The following CABCOCO1 variants were observed in gnomAD, a reference collection of about 807,000 sequenced individuals.
CABCOCO1 encodes the protein ciliary-associated calcium-binding coiled-coil protein 1.
CABCOCO1 carries 28 observed loss-of-function variants against 35.7 expected under a neutral mutation model. The observed-to-expected ratio is 0.78, with a 90% CI of 0.58 to 1.07. The LOEUF (loss-of-function observed/expected upper bound fraction) is 1.07, where lower values mean the gene tolerates loss of function less well. Among genes scored for constraint, CABCOCO1 ranks in the 50% least tolerant of loss-of-function variants. The probability of loss-of-function intolerance (pLI) is 0.00; values close to 1 mark genes in which losing one functional copy is unlikely to be tolerated. For missense variants in CABCOCO1, 326 were observed against 309.2 expected, an observed-to-expected ratio of 1.05 and a Z score of -0.41; for synonymous variants, 95 against 100.1, an observed-to-expected ratio of 0.95 and a Z score of 0.30.
chr10:61,675,067 G>C (rs1472552363), intron 2 of CABCOCO1, among the ~76,000 whole-genome samples: 2 of 152,112 alleles, frequency 1.3e-5, no homozygotes, highest in African/African-American at 4.8e-5. Context: ...GAACATGCAA[G>C]AGTAATGTAA....
chr10:61,729,351 GTA>G (rs764551905), intron 5 of CABCOCO1, among the ~76,000 whole-genome samples: 4 of 151,992 alleles, frequency 2.6e-5, no homozygotes, highest in Non-Finnish European at 5.9e-5. Flanking sequence ...TAGCCAACAG[GTA>G]TATGGGAAAA....
chr10:61,715,450 T>A (rs1446971342), intron 5 of CABCOCO1, among the ~76,000 whole-genome samples: 1 of 152,130 alleles, frequency 6.6e-6, no homozygotes, highest in Non-Finnish European at 1.5e-5. Context: ...CACTGATGGG[T>A]CTTGACTCTT....
intron 2 of CABCOCO1, among the ~76,000 whole-genome samples, chr10:61,678,276 C>T (rs1027965972): frequency 1.3e-5 from 2 of 152,116 alleles, no homozygotes; most frequent in African/African-American, 4.8e-5. Context: ...CACAAGTTTT[C>T]ATTATTGTGG....
intron 5 of CABCOCO1, among the ~76,000 whole-genome samples, chr10:61,733,635 A>G (rs1841352732): frequency 1.3e-5 from 2 of 152,118 alleles, no homozygotes; most frequent in Non-Finnish European, 2.9e-5. Context: ...CCAAAGTTCA[A>G]TATAGTTTTG....
At chr10:61,669,316 T>C (rs1453956229) in intron 1 of CABCOCO1, among the ~76,000 whole-genome samples, 5 of 152,046 alleles carry the variant, frequency 3.3e-5, no homozygotes, top group African/African-American at 7.2e-5. Flanking sequence ...CTTACAGTTT[T>C]ATTGCTCTTG....
At chr10:61,751,589 A>G (rs935303335) in intron 5 of CABCOCO1, among the ~76,000 whole-genome samples, 2 of 152,202 alleles carry the variant, frequency 1.3e-5, no homozygotes, top group African/African-American at 2.4e-5. Context: ...CAGCCTGTCA[A>G]TGATTCCAGT....
intron 5 of CABCOCO1, among the ~76,000 whole-genome samples, chr10:61,705,561 A>C (rs1234113281): frequency 6.6e-6 from 1 of 152,190 alleles, no homozygotes; most frequent in East Asian, 1.9e-4. Flanking sequence ...TAATTTAGTA[A>C]ACCCACAGGC....
In CABCOCO1 at chr10:61,765,792, G is replaced by C; in HGVS notation, c.817-147G>C. ...ATAAAGTGTTATCACATCACTACAGGCTGAAACACAGCTATGTCTGCAAAA... is the reference window on the plus strand; with the variant it reads ...ATAAAGTGTTATCACATCACTACAGCCTGAAACACAGCTATGTCTGCAAAA... On this transcript the variant is annotated intron_variant, in intron 7 of 7. Transcript: ENST00000648843. 3 of 651,388 alleles carry C rather than the reference G, an allele frequency of 4.6e-6. No individual in the cohort carries two copies. In the South Asian group the frequency reaches 6.0e-5, roughly 13 times the overall value. 40.4% of individuals were successfully genotyped at this position (651,388 alleles called of 1,614,324 possible). A position where few individuals can be genotyped will look rare whatever the true frequency, so the allele number is the denominator to read the frequency against.
chr10:61,682,260 C>T (rs986982183), intron 3 of CABCOCO1, among the ~76,000 whole-genome samples: 6 of 152,080 alleles, frequency 3.9e-5, no homozygotes, highest in African/African-American at 1.4e-4. Flanking sequence ...AGGATCCATC[C>T]AACTCCTCAT....
chr10:61,668,120 C>G (rs1744008417), intron 1 of CABCOCO1, among the ~76,000 whole-genome samples: 1 of 151,742 alleles, frequency 6.6e-6, no homozygotes, highest in South Asian at 2.1e-4. Context: ...ATAATTTGTA[C>G]CATTTAATTT....
chr10:61,757,319 T>C (rs1016419702), intron 5 of CABCOCO1, among the ~76,000 whole-genome samples: 1 of 152,100 alleles, frequency 6.6e-6, no homozygotes, highest in African/African-American at 2.4e-5. Context: ...ATATATTTGA[T>C]AATGTACTTT....
At chr10:61,667,058 T>C (rs1453733436) in intron 1 of CABCOCO1, among the ~76,000 whole-genome samples, 1 of 142,384 alleles carries the variant, frequency 7.0e-6, no homozygotes, top group East Asian at 2.0e-4. Flanking sequence ...TCATATATTA[T>C]ATATAAATAT....
chr10:61,718,740 T>C (rs748947727), intron 5 of CABCOCO1, among the ~76,000 whole-genome samples: 5 of 152,180 alleles, frequency 3.3e-5, no homozygotes, highest in Non-Finnish European at 7.4e-5. Context: ...ACCAATTCAT[T>C]ATGAAAAGTC....
intron 5 of CABCOCO1, among the ~76,000 whole-genome samples, chr10:61,713,542 A>G (rs1257879140): frequency 6.6e-6 from 1 of 152,128 alleles, no homozygotes; most frequent in African/African-American, 2.4e-5. Flanking sequence ...AACTTCCAAC[A>G]CTACGTTGAA....
At chr10:61,706,857 C>T (rs1204100655) in intron 5 of CABCOCO1, among the ~76,000 whole-genome samples, 2 of 152,088 alleles carry the variant, frequency 1.3e-5, no homozygotes, top group Non-Finnish European at 2.9e-5. Flanking sequence ...CAGCTCTTCT[C>T]CCTGTATTCT....
intron 5 of CABCOCO1, among the ~76,000 whole-genome samples, chr10:61,696,217 A>G (rs1840290936): frequency 6.6e-6 from 1 of 152,108 alleles, no homozygotes. Context: ...ACTTATAAAT[A>G]TTTAATAAGT....
At chr10:61,714,637 T>C (rs1213030921) in intron 5 of CABCOCO1, among the ~76,000 whole-genome samples, 4 of 152,222 alleles carry the variant, frequency 2.6e-5, no homozygotes, top group Admixed American at 6.5e-5. Context: ...CTGCTTTCTT[T>C]TGTGGGCATT....
chr10:61,748,234 G>C (rs1329053890), intron 5 of CABCOCO1, among the ~76,000 whole-genome samples: 2 of 151,854 alleles, frequency 1.3e-5, no homozygotes, highest in Non-Finnish European at 2.9e-5. Context: ...AATAGATAGT[G>C]ACTTACTGAC....
chr10:61,738,835 T>C (rs912507766), intron 5 of CABCOCO1, among the ~76,000 whole-genome samples: 4 of 152,128 alleles, frequency 2.6e-5, no homozygotes, highest in Non-Finnish European at 5.9e-5. Flanking sequence ...TTTTGGTCTA[T>C]AAAAAAACAA....
Sources: gnomAD v4.1 joint callset for allele counts (sites outside exome capture counted in the v4.1 genomes callset) on GRCh38, gnomAD v4.1.1 for gene constraint, MANE v1.5 for transcripts, NCBI Gene and HGNC (gene_info 2026-07-23, HGNC 2026-07-21) for gene names.